RP1: variants seen among roughly 807,000 people sequenced by gnomAD.
The protein encoded by RP1 is oxygen-regulated protein 1.
A neutral mutation model predicts 14.8 loss-of-function variants in RP1; 16 were observed. That is an observed-to-expected ratio of 1.08 (90% CI 0.73 to 1.65). RP1 has a LOEUF of 1.65. RP1 is among the 40% of genes most tolerant of loss of function. The pLI, the probability that RP1 is intolerant of heterozygous loss-of-function variation, is 0.00. For synonymous variants in RP1, 876 were observed against 883.6 expected, an observed-to-expected ratio of 0.99 and a Z score of 0.15; for missense variants, 2,631 against 2,535.0, an observed-to-expected ratio of 1.04 and a Z score of -0.81.
At chr8:54,631,611 G>A (rs1806246984), downstream of RP1, among the ~76,000 whole-genome samples, 1 of 151,622 alleles carries the variant, frequency 6.6e-6, no homozygotes, top group African/African-American at 2.4e-5. Flanking sequence ...TTACAGTAGG[G>A]TATCATGCCA....
chr8:54,749,902 A>G (rs1247883871), intron 19 of RP1, among the ~76,000 whole-genome samples: 2 of 149,310 alleles, frequency 1.3e-5, no homozygotes, highest in Non-Finnish European at 3.0e-5. Context: ...CCTTTTGTTT[A>G]TGAACTCCTT....
chr8:54,621,241 TCA>T lies in RP1; in HGVS notation c.277_278del (p.Thr93AlafsTer41). 1 of 1,614,116 alleles carries T rather than the reference TCA, an allele frequency of 6.2e-7. No homozygotes were observed. The highest frequency in any genetic ancestry group is 8.5e-7 in the Non-Finnish European group (1 of 1,180,024). ...AGCACCCCTCGGGGCAGGCACAGCA[TCA>T]CGCGCCTGGAGGAGCTGGAGGACGG... On this transcript the variant is annotated frameshift_variant, in exon 2 of 4. Transcript: ENST00000220676. LOFTEE classifies it high-confidence loss of function.
chr8:54,651,722 T>G (rs1302843395), intron 4 of RP1, among the ~76,000 whole-genome samples: 13 of 152,180 alleles, frequency 8.5e-5, no homozygotes, highest in African/African-American at 2.2e-4. Flanking sequence ...ATTTTGTTGT[T>G]TTTATATTCT....
At chr8:54,803,482 C>T (rs1283788907) in intron 24 of RP1, among the ~76,000 whole-genome samples, 3 of 152,076 alleles carry the variant, frequency 2.0e-5, no homozygotes, top group African/African-American at 4.8e-5. Context: ...CCTAAGAAAA[C>T]CGAGGGTCCA....
At chr8:54,866,784 A>G (rs1215281386) in intron 28 of RP1, among the ~76,000 whole-genome samples, 1 of 152,188 alleles carries the variant, frequency 6.6e-6, no homozygotes, top group Non-Finnish European at 1.5e-5. Flanking sequence ...TGTTAACGAC[A>G]TGAGGGCAAT....
chr8:54,697,252 G>T, intron 12 of RP1: 1 of 595,100 alleles, frequency 1.7e-6, no homozygotes, highest in Non-Finnish European at 3.0e-6. Context: ...GAAAGGAAGG[G>T]TCAAAAAAAA....
intron 11 of RP1, chr8:54,679,707 C>G: frequency 6.6e-7 from 1 of 1,519,726 alleles, no homozygotes; most frequent in Non-Finnish European, 8.8e-7. Flanking sequence ...ACAAAACAGC[C>G]TATAGAGTTT....
At chr8:54,746,168 C>T (rs1809219663) in intron 19 of RP1, among the ~76,000 whole-genome samples, 1 of 151,866 alleles carries the variant, frequency 6.6e-6, no homozygotes, top group African/African-American at 2.4e-5. Flanking sequence ...TTATGGAATG[C>T]TTTTTTTTGG....
At position 54,837,707 on chromosome 8, in the gene RP1, A is replaced by G. The variant is rs1811696879; in HGVS notation, c.3835+38A>G. 23 of 1,113,822 alleles carry G rather than the reference A, an allele frequency of 2.1e-5. No homozygotes were observed. In the South Asian group the frequency reaches 8.7e-4, roughly 42 times the overall value. The allele number at this position is 1,113,822 out of a possible 1,614,324, so 69.0% of individuals were successfully genotyped here. On this transcript the variant is annotated intron_variant, in intron 25 of 28. Transcript: ENST00000637698. ...ATTTCCTTTGTGATGTGTATTGAAA[A>G]TTAAAATAATTGAGATGATTTAGAA...
intron 1 of RP1, among the ~76,000 whole-genome samples, chr8:54,582,031 C>T (rs980176152): frequency 4.6e-5 from 7 of 152,278 alleles, no homozygotes; most frequent in Middle Eastern, 3.4e-3. Flanking sequence ...TCAATTTTGG[C>T]TTTTGTTGCC....
At chr8:54,843,238 G>T (rs188183059) in intron 25 of RP1, among the ~76,000 whole-genome samples, 259 of 152,138 alleles carry the variant, frequency 1.7e-3, no homozygotes, top group African/African-American at 5.7e-3. Flanking sequence ...ATGTATGTAT[G>T]TATTTATTTA....
intron 1 of RP1, among the ~76,000 whole-genome samples, chr8:54,595,997 T>C (rs1286892620): frequency 2.0e-5 from 3 of 152,208 alleles, no homozygotes; most frequent in African/African-American, 7.2e-5. Flanking sequence ...AATAATTTTG[T>C]CTAAATTAAA....
chr8:54,704,029 T>C (rs942800677), intron 14 of RP1, among the ~76,000 whole-genome samples: 2 of 152,140 alleles, frequency 1.3e-5, no homozygotes, highest in African/African-American at 4.8e-5. Context: ...ACTAAAACTT[T>C]CCCCATATCA....
intron 12 of RP1, among the ~76,000 whole-genome samples, chr8:54,692,244 C>A (rs1807732635): frequency 6.6e-6 from 1 of 150,834 alleles, no homozygotes; most frequent in Non-Finnish European, 1.5e-5. Flanking sequence ...GGTTCCAAGT[C>A]TTTGCTATTG....
chr8:54,838,434 T>A (rs1248218333), intron 25 of RP1, among the ~76,000 whole-genome samples: 2 of 152,176 alleles, frequency 1.3e-5, no homozygotes, highest in African/African-American at 4.8e-5. Context: ...AATTACTGTG[T>A]ATATGTGTGT....
intron 1 of RP1, among the ~76,000 whole-genome samples, chr8:54,586,379 A>C (rs185666804): frequency 6.6e-6 from 1 of 152,160 alleles, no homozygotes; most frequent in Admixed American, 6.5e-5. Flanking sequence ...GAGGAGTACC[A>C]GGCCGTGTGA....
At chr8:54,685,460 G>A (rs1807542005) in intron 12 of RP1, among the ~76,000 whole-genome samples, 1 of 152,098 alleles carries the variant, frequency 6.6e-6, no homozygotes. Context: ...GTAGTTGTGT[G>A]GTTTTGAATG....
intron 15 of RP1, chr8:54,720,021 A>C (rs1382316372): frequency 2.2e-6 from 2 of 899,606 alleles, no homozygotes; most frequent in Non-Finnish European, 3.2e-6. Flanking sequence ...TAGATTTATC[A>C]TAGTGATTCG....
In RP1 at chr8:54,732,298, C is replaced by T. The variant is rs529964644; in HGVS notation, c.2522-2247C>T. On this transcript the variant is annotated intron_variant, in intron 17 of 22. Coordinates refer to the RP1 transcript ENST00000636932. ...CCTCAATTACTCACTTCCTGCCCTC[C>T]GCTACACCTGAACTTTTCAGTAGTT... 7.9e-5 allele frequency among the ~76,000 whole-genome samples: 12 copies of T among 152,286 alleles called. No homozygotes were observed. In the East Asian group the frequency reaches 1.2e-3, roughly 15 times the overall value.
Sources: gnomAD v4.1 joint callset for allele counts (sites outside exome capture counted in the v4.1 genomes callset) on GRCh38, gnomAD v4.1.1 for gene constraint, MANE v1.5 for transcripts, NCBI Gene and HGNC (gene_info 2026-07-23, HGNC 2026-07-21) for gene names.